DLEU7: variants seen among roughly 807,000 people sequenced by gnomAD.
DLEU7 encodes the protein leukemia-associated protein 7.
Under a neutral mutation model 16.0 loss-of-function variants are expected in DLEU7, and 17 were observed. The observed-to-expected ratio is 1.06, with a 90% CI of 0.73 to 1.59. DLEU7 has a LOEUF of 1.59. Among genes scored for constraint, DLEU7 ranks in the 40% most tolerant of loss-of-function variants. DLEU7 has a pLI of 0.00. For synonymous variants in DLEU7, 113 were observed against 139.8 expected, an observed-to-expected ratio of 0.81 and a Z score of 1.35; for missense variants, 308 against 314.9, an observed-to-expected ratio of 0.98 and a Z score of 0.17.
chr13:50,775,135 C>G (rs577715527), intron 1 of DLEU7, among the ~76,000 whole-genome samples: 1 of 151,720 alleles, frequency 6.6e-6, no homozygotes, highest in African/African-American at 2.4e-5. Flanking sequence ...ATGTGTTACA[C>G]TTTTCTGTAT....
intron 1 of DLEU7, among the ~76,000 whole-genome samples, chr13:50,806,781 T>A (rs888450472): frequency 6.6e-6 from 1 of 151,984 alleles, no homozygotes; most frequent in Non-Finnish European, 1.5e-5. Context: ...TAAAGTGTAA[T>A]TCCAGTTGTA....
intron 1 of DLEU7, among the ~76,000 whole-genome samples, chr13:50,779,453 C>A (rs1469460293): frequency 6.6e-6 from 1 of 152,076 alleles, no homozygotes; most frequent in East Asian, 1.9e-4. Flanking sequence ...ACAGTTGGGG[C>A]CAAAAACAGG....
intron 1 of DLEU7, among the ~76,000 whole-genome samples, chr13:50,829,397 T>C (rs143225774): frequency 6.6e-4 from 100 of 152,254 alleles, no homozygotes; most frequent in Non-Finnish European, 1.2e-3. Context: ...AAATTCAAAA[T>C]AGAAGGAACC....
intron 1 of DLEU7, among the ~76,000 whole-genome samples, chr13:50,753,581 A>C (rs1566239233): frequency 6.6e-6 from 1 of 152,196 alleles, no homozygotes; most frequent in Non-Finnish European, 1.5e-5. Flanking sequence ...CGGGGCCAGC[A>C]GGGCAGGCCA....
At position 50,829,656 on chromosome 13, in the gene DLEU7, C is replaced by T. The variant is rs182322741; in HGVS notation, c.460-6136G>A. ...AGATCTCTGGCAAGCTTTGCAAACT[C>T]ACTTTATTTTACTATTCTAGTACAG... On this transcript the variant is annotated intron_variant, in intron 1 of 1. Transcript: ENST00000504404. 1.2e-3 allele frequency among the ~76,000 whole-genome samples: 179 copies of T among 152,326 alleles called. 1 individual carries two copies. The highest frequency in any genetic ancestry group is 2.0e-3 in the Non-Finnish European group (135 of 68,030).
chr13:50,755,865 G>C (rs1350215032), intron 1 of DLEU7, among the ~76,000 whole-genome samples: 1 of 152,166 alleles, frequency 6.6e-6, no homozygotes, highest in African/African-American at 2.4e-5. Context: ...AAGGTCTAGG[G>C]CTGAAGGCTG....
At chr13:50,839,061 A>G (rs1877563942) in intron 1 of DLEU7, among the ~76,000 whole-genome samples, 1 of 152,228 alleles carries the variant, frequency 6.6e-6, no homozygotes, top group Non-Finnish European at 1.5e-5. Flanking sequence ...CTGCCAGGCT[A>G]CGATGTGACT....
At chr13:50,737,138 A>G (rs1874094824) in intron 1 of DLEU7, among the ~76,000 whole-genome samples, 1 of 152,136 alleles carries the variant, frequency 6.6e-6, no homozygotes, top group South Asian at 2.1e-4. Context: ...TGAGGTCAAT[A>G]AAACCTTAAT....
At chr13:50,822,526 C>A, downstream of DLEU7, 2 of 659,062 alleles carry the variant, frequency 3.0e-6, no homozygotes, top group Non-Finnish European at 3.8e-6. Flanking sequence ...CTCTTCCCGG[C>A]TCTAAACGGT....
At chr13:50,833,892 T>C (rs1220288436) in intron 1 of DLEU7, among the ~76,000 whole-genome samples, 1 of 152,162 alleles carries the variant, frequency 6.6e-6, no homozygotes, top group African/African-American at 2.4e-5. Context: ...GCCACACATC[T>C]ACAACCATCT....
intron 1 of DLEU7, among the ~76,000 whole-genome samples, chr13:50,836,543 A>G (rs145629717): frequency 0.11 from 16,992 of 151,890 alleles, 1,416 homozygotes; most frequent in African/African-American, 0.24. Context: ...GCGTGGTGGC[A>G]GGCGCCTGTA....
chr13:50,820,105 A>G (rs538682939), downstream of DLEU7, among the ~76,000 whole-genome samples: 1 of 152,164 alleles, frequency 6.6e-6, no homozygotes, highest in Non-Finnish European at 1.5e-5. Flanking sequence ...ATGATAGATC[A>G]AGTAATATGA....
At chr13:50,839,212 C>A (rs921872332) in intron 1 of DLEU7, among the ~76,000 whole-genome samples, 1 of 152,228 alleles carries the variant, frequency 6.6e-6, no homozygotes, top group Non-Finnish European at 1.5e-5. Context: ...TTAGATAAAA[C>A]CCATCACTTC....
chr13:50,755,744 T>C lies in DLEU7; in HGVS notation c.460-42504A>G, dbSNP rs1874736242. The stretch of plus-strand genomic sequence containing the variant: ...ATCCATTGCTGGTGAGCTAATGTGA[T>C]TTTTTTTTGAGGGGGGGGGCACGGT... On this transcript the variant is annotated intron_variant, in intron 1 of 1. Transcript: ENST00000400393. Among the ~76,000 whole-genome samples the C allele has an allele frequency of 3.3e-5, 4 of 119,960 alleles. No homozygotes were observed. In the South Asian group the frequency reaches 9.1e-4, roughly 27 times the overall value. 78.7% of individuals were successfully genotyped at this position (119,960 alleles called of 152,430 possible). A position where few individuals can be genotyped will look rare whatever the true frequency, so the allele number is the denominator to read the frequency against.
At chr13:50,836,471 G>A (rs1448697619) in intron 1 of DLEU7, among the ~76,000 whole-genome samples, 9 of 151,996 alleles carry the variant, frequency 5.9e-5, no homozygotes, top group African/African-American at 2.2e-4. Context: ...TCAGGAGATC[G>A]AGACCATCCT....
intron 1 of DLEU7, among the ~76,000 whole-genome samples, chr13:50,773,768 G>C (rs1464765770): frequency 6.6e-6 from 1 of 152,218 alleles, no homozygotes; most frequent in African/African-American, 2.4e-5. Flanking sequence ...TGTTCTCAGA[G>C]CTCAAACTCC....
intron 1 of DLEU7, among the ~76,000 whole-genome samples, chr13:50,781,420 A>T (rs1417873257): frequency 6.6e-6 from 1 of 152,210 alleles, no homozygotes; most frequent in African/African-American, 2.4e-5. Flanking sequence ...AGCAAATACC[A>T]TCTTAGTAAC....
chr13:50,839,650 G>A (rs1382619533), intron 1 of DLEU7, among the ~76,000 whole-genome samples: 1 of 152,040 alleles, frequency 6.6e-6, no homozygotes, highest in Non-Finnish European at 1.5e-5. Flanking sequence ...AATCTCTTTG[G>A]GTCATCCTAA....
rs142503071 is a variant in DLEU7, at chr13:50,829,506, A to G, written c.460-5986T>C. On this transcript the variant is annotated intron_variant, in intron 1 of 1. Transcript: ENST00000504404. The stretch of plus-strand genomic sequence containing the variant: ...CCTTTAAAAATATAGTTGTGGGCAG[A>G]AAACCTGAAGTCAATTTCATGTTTT... Among the ~76,000 whole-genome samples the G allele has an allele frequency of 8.7e-4, 133 of 152,328 alleles. 1 individual carries two copies. In the Middle Eastern group the frequency reaches 0.01, roughly 12 times the overall value.
Sources: gnomAD v4.1 joint callset for allele counts (sites outside exome capture counted in the v4.1 genomes callset) on GRCh38, gnomAD v4.1.1 for gene constraint, MANE v1.5 for transcripts, NCBI Gene and HGNC (gene_info 2026-07-23, HGNC 2026-07-21) for gene names.